Variants in UGT1A8 observed in about 807,000 individuals in gnomAD.
UGT1A8 encodes UDP-glucuronosyltransferase 1A8.
In UGT1A8, 39 loss-of-function variants were observed where a neutral mutation model predicts 45.3. The observed-to-expected ratio is 0.86, with a 90% confidence interval of 0.67 to 1.12. UGT1A8 has a LOEUF of 1.12. UGT1A8 is among the 50% of genes most tolerant of loss of function. The pLI is 0.00. For synonymous variants in UGT1A8, 275 were observed against 249.2 expected, an observed-to-expected ratio of 1.10 and a Z score of -0.97; for missense variants, 719 against 664.9, an observed-to-expected ratio of 1.08 and a Z score of -0.90.
chr2:233,681,820 T>A, intron 1 of UGT1A8: 1 of 1,500,442 alleles, frequency 6.7e-7, no homozygotes, highest in Non-Finnish European at 8.9e-7. Context: ...AATTTTTTTT[T>A]AAATGAATGA....
At chr2:233,629,174 TCTGA>T (rs1393275194) in intron 1 of UGT1A8, among the ~76,000 whole-genome samples, 1 of 152,178 alleles carries the variant, frequency 6.6e-6, no homozygotes, top group East Asian at 1.9e-4. Context: ...ATTCTACGTA[TCTGA>T]CTATTTTAGA....
At chr2:233,672,521 G>T (rs768123270) in intron 1 of UGT1A8, 6 of 1,613,872 alleles carry the variant, frequency 3.7e-6, no homozygotes, top group Non-Finnish European at 5.1e-6. Context: ...ATTCTCTTAG[G>T]GTTCTCAGAT....
At chr2:233,628,969 G>A (rs1352625137) in intron 1 of UGT1A8, among the ~76,000 whole-genome samples, 1 of 151,888 alleles carries the variant, frequency 6.6e-6, no homozygotes, top group Non-Finnish European at 1.5e-5. Context: ...AAAACACATA[G>A]CATAAAATAT....
At chr2:233,672,740 T>C in intron 1 of UGT1A8, 2 of 1,613,942 alleles carry the variant, frequency 1.2e-6, no homozygotes, top group African/African-American at 1.3e-5. Context: ...ATGCCCAACA[T>C]GATCTTCATT....
At chr2:233,691,132 T>A in intron 1 of UGT1A8, 1 of 985,806 alleles carries the variant, frequency 1.0e-6, no homozygotes, top group Non-Finnish European at 1.2e-6. Context: ...CCATTCTTCC[T>A]CTAGATGAAC....
chr2:233,711,841 A>G (rs2076200002), intron 1 of UGT1A8, among the ~76,000 whole-genome samples: 1 of 152,206 alleles, frequency 6.6e-6, no homozygotes, highest in Non-Finnish European at 1.5e-5. Flanking sequence ...AGGCGTCAGC[A>G]ATCTTGCCAA....
At chr2:233,637,237 G>A (rs896109680) in intron 1 of UGT1A8, 3 of 1,613,778 alleles carry the variant, frequency 1.9e-6, no homozygotes, top group Non-Finnish European at 2.5e-6. Context: ...CCAAACCCCT[G>A]TCACGGCATA....
At chr2:233,720,767 C>A (rs550051357) in intron 1 of UGT1A8, among the ~76,000 whole-genome samples, 2 of 150,844 alleles carry the variant, frequency 1.3e-5, no homozygotes, top group East Asian at 3.9e-4. Flanking sequence ...GGGCAGTGGC[C>A]GGATCTCCGC....
intron 1 of UGT1A8, chr2:233,747,494 G>A (rs1693698047): frequency 1.2e-6 from 2 of 1,608,660 alleles, no homozygotes; most frequent in Non-Finnish European, 1.7e-6. Flanking sequence ...GCCTTGTGCT[G>A]GGCCACACTC....
intron 1 of UGT1A8, among the ~76,000 whole-genome samples, chr2:233,701,125 G>T (rs535015875): frequency 1.6e-4 from 24 of 152,142 alleles, no homozygotes; most frequent in Non-Finnish European, 4.4e-5. Context: ...ATCATTGAGG[G>T]ACATTTAGGT....
intron 1 of UGT1A8, chr2:233,636,311 T>C: frequency 1.2e-6 from 1 of 848,434 alleles, no homozygotes; most frequent in Non-Finnish European, 1.7e-6. Flanking sequence ...TACTCTTGTC[T>C]GGAAATCATA....
At chr2:233,721,228 G>A (rs2076928713) in intron 1 of UGT1A8, among the ~76,000 whole-genome samples, 1 of 152,140 alleles carries the variant, frequency 6.6e-6, no homozygotes, top group Non-Finnish European at 1.5e-5. Context: ...ATGCAATGTA[G>A]TTACTGAATT....
At chr2:233,653,395 T>A (rs919547920) in intron 1 of UGT1A8, among the ~76,000 whole-genome samples, 24 of 152,192 alleles carry the variant, frequency 1.6e-4, no homozygotes, top group Non-Finnish European at 2.9e-4. Context: ...ATGAATCATA[T>A]TCTTAAAGTA....
At chr2:233,712,115 T>G (rs1346814908) in intron 1 of UGT1A8, among the ~76,000 whole-genome samples, 1 of 152,228 alleles carries the variant, frequency 6.6e-6, no homozygotes, top group Non-Finnish European at 1.5e-5. Flanking sequence ...CTAAGCAGAC[T>G]TGCAGAAGAC....
chr2:233,637,355 A>G (rs775156571), intron 1 of UGT1A8: 8 of 1,613,588 alleles, frequency 5.0e-6, no homozygotes, highest in South Asian at 4.4e-5. Flanking sequence ...ATCAACTGTC[A>G]TCAGGGAAAG....
intron 1 of UGT1A8, chr2:233,729,394 G>T: frequency 1.2e-6 from 2 of 1,613,862 alleles, no homozygotes; most frequent in Non-Finnish European, 1.7e-6. Context: ...GGATGAATTT[G>T]ATCGCCATGT....
intron 2 of UGT1A8, 151 bp downstream of exon 2, chr2:233,767,316 TG>T: frequency 6.7e-7 from 1 of 1,493,284 alleles, no homozygotes; most frequent in Non-Finnish European, 8.8e-7. Flanking sequence ...TTTTTTTTGT[TG>T]TTGTGGTTGT....
intron 1 of UGT1A8, among the ~76,000 whole-genome samples, chr2:233,641,865 G>C (rs1185508015): frequency 6.6e-6 from 1 of 152,098 alleles, no homozygotes; most frequent in African/African-American, 2.4e-5. Context: ...CACTGAAAAG[G>C]CTGCTGCCAG....
intron 1 of UGT1A8, among the ~76,000 whole-genome samples, chr2:233,643,805 G>A (rs1238317633): frequency 6.6e-6 from 1 of 152,154 alleles, no homozygotes; most frequent in Admixed American, 6.5e-5. Context: ...TAAGGCAGCA[G>A]GTTCCCTTCT....
Sources: gnomAD v4.1 joint callset for allele counts (sites outside exome capture counted in the v4.1 genomes callset) on GRCh38, gnomAD v4.1.1 for gene constraint, MANE v1.5 for transcripts, NCBI Gene and HGNC (gene_info 2026-07-23, HGNC 2026-07-21) for gene names.